The following PCDHGA5 variants were observed in gnomAD, a reference collection of about 807,000 sequenced individuals.
PCDHGA5 encodes protocadherin gamma-A5.
A neutral mutation model predicts 56.7 loss-of-function variants in PCDHGA5; 36 were observed. The ratio of observed to expected loss-of-function variants is 0.64; its 90% CI spans 0.49 to 0.84. PCDHGA5 has a LOEUF of 0.84. Ranked by LOEUF, PCDHGA5 falls within the 40% of genes least tolerant of loss-of-function variation. The pLI is 0.00. For synonymous variants in PCDHGA5, 563 were observed against 520.2 expected, an observed-to-expected ratio of 1.08 and a Z score of -1.12; for missense variants, 1,305 against 1,201.5, an observed-to-expected ratio of 1.09 and a Z score of -1.27.
At chr5:141,410,688 A>G in intron 1 of PCDHGA5, 1 of 1,519,164 alleles carries the variant, frequency 6.6e-7, no homozygotes, top group South Asian at 1.3e-5. Flanking sequence ...TAGGCATACT[A>G]CTTTATTTTC....
intron 1 of PCDHGA5, chr5:141,423,051 C>T (rs200022455): frequency 1.7e-5 from 28 of 1,614,084 alleles, no homozygotes; most frequent in Non-Finnish European, 2.3e-5. Context: ...TGTCCTATCG[C>T]CTGCTTAAGG....
At chr5:141,458,130 C>A (rs1441742986) in intron 1 of PCDHGA5, among the ~76,000 whole-genome samples, 2 of 152,248 alleles carry the variant, frequency 1.3e-5, no homozygotes, top group African/African-American at 4.8e-5. Flanking sequence ...AGGAACCAGG[C>A]AGAGAAAAAT....
rs756604175 is a variant in PCDHGA5 at position 141,375,747 on chromosome 5, A to C, written c.2421+8996A>C. 30 of 1,614,128 alleles carry C rather than the reference A, an allele frequency of 1.9e-5. No homozygotes were observed. The Admixed American group carries it at 5.0e-4, about 27-fold the overall frequency. ...TCACTGAGCCTGTTTGTGCTGGACC[A>C]GAATGACAATGCGCCCGAGATCCTG... is the stretch of plus-strand genomic sequence containing the variant. On this transcript the variant is annotated intron_variant, in intron 1 of 3. Transcript: ENST00000518069.
intron 1 of PCDHGA5, among the ~76,000 whole-genome samples, chr5:141,443,202 C>T (rs546748238): frequency 2.6e-5 from 4 of 152,172 alleles, no homozygotes; most frequent in Non-Finnish European, 1.5e-5. Flanking sequence ...GTACAAAGAG[C>T]TTGTCTCGCC....
chr5:141,413,365 G>A (rs1046513869), intron 1 of PCDHGA5: 14 of 1,614,000 alleles, frequency 8.7e-6, no homozygotes, highest in Non-Finnish European at 1.2e-5. Flanking sequence ...CCGGGAGCTG[G>A]CGGAGCGCGG....
chr5:141,394,488 G>A (rs753312224), intron 1 of PCDHGA5: 5 of 1,614,196 alleles, frequency 3.1e-6, no homozygotes, highest in South Asian at 2.2e-5. Flanking sequence ...GAATGACAAC[G>A]CGCCCGAGAT....
chr5:141,372,541 G>T, intron 1 of PCDHGA5: 16 of 1,613,980 alleles, frequency 9.9e-6, no homozygotes, highest in Non-Finnish European at 1.3e-5. Flanking sequence ...CTGCGCCTGC[G>T]ATGCTCCTCC....
chr5:141,436,414 A>G (rs1459862288), intron 1 of PCDHGA5, among the ~76,000 whole-genome samples: 1 of 152,234 alleles, frequency 6.6e-6, no homozygotes, highest in East Asian at 1.9e-4. Flanking sequence ...ATGAATGGAT[A>G]AACAAATAAT....
intron 1 of PCDHGA5, chr5:141,385,668 C>G (rs2090319612): frequency 2.3e-6 from 1 of 428,688 alleles, no homozygotes; most frequent in African/African-American, 2.1e-5. Flanking sequence ...AGGAATAAAA[C>G]ACACCTCAGC....
chr5:141,424,966 T>G (rs913951031), intron 1 of PCDHGA5, among the ~76,000 whole-genome samples: 17 of 152,174 alleles, frequency 1.1e-4, no homozygotes, highest in African/African-American at 3.9e-4. Flanking sequence ...TTGCCCCAAA[T>G]TACTTGGATA....
chr5:141,415,443 C>T, intron 1 of PCDHGA5: 1 of 1,614,196 alleles, frequency 6.2e-7, no homozygotes, highest in Non-Finnish European at 8.5e-7. Context: ...TCCTGCAGAC[C>T]TATTCCCACG....
chr5:141,383,941 A>G (rs754217444), intron 1 of PCDHGA5: 1 of 1,613,742 alleles, frequency 6.2e-7, no homozygotes, highest in African/African-American at 1.3e-5. Flanking sequence ...TCCAGAAGTG[A>G]CTATGACGTC....
intron 1 of PCDHGA5, chr5:141,419,774 C>T (rs2096431329): frequency 6.2e-7 from 1 of 1,613,902 alleles, no homozygotes; most frequent in Admixed American, 1.7e-5. Flanking sequence ...GGACTCGGTC[C>T]GCCAGCGCCT....
intron 1 of PCDHGA5, chr5:141,417,389 A>C (rs578088616): frequency 2.5e-4 from 39 of 154,566 alleles, no homozygotes; most frequent in Admixed American, 4.5e-4. Flanking sequence ...ATTTTGAAGA[A>C]AAAATATTCA....
In PCDHGA5 at chr5:141,376,620, C is replaced by T. The variant is rs2150087257; in HGVS notation, c.2421+9869C>T. The stretch of plus-strand genomic sequence containing the variant: ...TTATAGAAGCGAACCTCTTTTGGTA[C>T]AGGAAGATTCGTGATTTTGTAAAGT... On this transcript the variant is annotated intron_variant, in intron 1 of 3. Transcript: ENST00000518069. 2.9e-6 allele frequency: 4 copies of T among 1,360,830 alleles called. No homozygotes were observed. In the East Asian group the frequency reaches 7.4e-5, roughly 25 times the overall value. The allele number at this position is 1,360,830 out of a possible 1,614,324, so 84.3% of individuals were successfully genotyped here. A position where few individuals can be genotyped will look rare whatever the true frequency, so the allele number is the denominator to read the frequency against.
At chr5:141,484,801 A>G (rs1285617622) in intron 1 of PCDHGA5, among the ~76,000 whole-genome samples, 3 of 152,024 alleles carry the variant, frequency 2.0e-5, no homozygotes, top group African/African-American at 7.2e-5. Flanking sequence ...CAACCCGTGG[A>G]AAAACATGCC....
At chr5:141,384,644 C>A (rs757384812) in intron 1 of PCDHGA5, 2 of 1,614,116 alleles carry the variant, frequency 1.2e-6, no homozygotes, top group African/African-American at 1.3e-5. Context: ...CCCCGCTCCG[C>A]AGAGCCCGGC....
At chr5:141,394,434 C>T in intron 1 of PCDHGA5, 1 of 1,614,248 alleles carries the variant, frequency 6.2e-7, no homozygotes, top group South Asian at 1.1e-5. Context: ...CGGGGACCCG[C>T]CCCTCAGCAG....
At position 141,487,385 on chromosome 5, in the gene PCDHGA5, CGAA is replaced by C; in HGVS notation, c.2422-7420_2422-7418del. 6.2e-7 allele frequency: 1 copy of C among 1,614,160 alleles called. No individual in the cohort carries two copies. The highest frequency in any genetic ancestry group is 8.5e-7 in the Non-Finnish European group (1 of 1,180,046). On this transcript the variant is annotated intron_variant, in intron 1 of 3. Coordinates refer to ENST00000518069, the MANE Select transcript of PCDHGA5 (RefSeq NM_018918.3). The surrounding 1 kb of genome is among the most constrained non-coding windows in gnomAD (Gnocchi z 5.0). ...CACCTGTGCCTGTCTCACCAGATCTCGAAGGAGGGAGGGGCTTCCCCCTTCCAA... is the reference window on the plus strand; with the variant it reads ...CACCTGTGCCTGTCTCACCAGATCTCGGAGGGAGGGGCTTCCCCCTTCCAA...
Sources: gnomAD v4.1 joint callset for allele counts (sites outside exome capture counted in the v4.1 genomes callset) on GRCh38, gnomAD v4.1.1 for gene constraint, Gnocchi (gnomAD v3.1) non-coding constraint, MANE v1.5 for transcripts, NCBI Gene and HGNC (gene_info 2026-07-23, HGNC 2026-07-21) for gene names.